SCFD2: variants seen among roughly 807,000 people sequenced by gnomAD.
The protein encoded by SCFD2 is sec1 family domain-containing protein 2.
In SCFD2, 54 loss-of-function variants were observed where a neutral mutation model predicts 58.9. The ratio of observed to expected loss-of-function variants is 0.92; its 90% CI spans 0.74 to 1.15. The LOEUF is 1.15. Among genes scored for constraint, SCFD2 ranks in the 50% most tolerant of loss-of-function variants. SCFD2 has a pLI of 0.00. For missense variants in SCFD2, 805 were observed against 836.6 expected (o/e 0.96, Z 0.47); for synonymous variants, 321 against 335.9 (o/e 0.96, Z 0.49).
chr4:53,252,269 T>C (rs1183529695), intron 4 of SCFD2, among the ~76,000 whole-genome samples: 3 of 147,144 alleles, frequency 2.0e-5, no homozygotes, highest in Admixed American at 6.9e-5. Flanking sequence ...TCCATGCTCA[T>C]GGGTAGGAAG....
At chr4:53,058,385 AT>A (rs1216472707) in intron 5 of SCFD2, among the ~76,000 whole-genome samples, 1 of 152,166 alleles carries the variant, frequency 6.6e-6, no homozygotes, top group Non-Finnish European at 1.5e-5. Flanking sequence ...TCAGACAACT[AT>A]ATAGTTAACT....
chr4:53,275,600 C>A (rs1282491626), intron 3 of SCFD2, among the ~76,000 whole-genome samples: 1 of 152,164 alleles, frequency 6.6e-6, no homozygotes, highest in Non-Finnish European at 1.5e-5. Context: ...GGTTGGATAA[C>A]CACTGTCACA....
chr4:53,022,790 T>C (rs1722380872), intron 5 of SCFD2, among the ~76,000 whole-genome samples: 1 of 152,226 alleles, frequency 6.6e-6, no homozygotes, highest in Non-Finnish European at 1.5e-5. Context: ...TTTTTCTTAA[T>C]GTTAAGTAAC....
rs1343030933 is a variant in SCFD2 at position 53,273,721 on chromosome 4, T to C, written c.1311+105A>G. 6 of 1,020,432 alleles carry C rather than the reference T, an allele frequency of 5.9e-6. No individual in the cohort carries two copies. The African/African-American group carries it at 8.1e-5, about 14-fold the overall frequency. The allele number at this position is 1,020,432 out of a possible 1,614,324, so 63.2% of individuals were successfully genotyped here. A position where few individuals can be genotyped will look rare whatever the true frequency, so the allele number is the denominator to read the frequency against. On this transcript the variant is annotated intron_variant, in intron 4 of 8. Transcript: ENST00000401642. ...TAGAGAATATGAAGCAGGGCACATG[T>C]CAACAATATGATTTATTACTAAGGC...
At chr4:52,969,092 T>C (rs1197408341) in intron 5 of SCFD2, among the ~76,000 whole-genome samples, 1 of 152,184 alleles carries the variant, frequency 6.6e-6, no homozygotes, top group Non-Finnish European at 1.5e-5. Flanking sequence ...AAGAATCCTG[T>C]TAGGTGGGTT....
chr4:53,231,129 A>G (rs1312630925), intron 4 of SCFD2, among the ~76,000 whole-genome samples: 1 of 152,164 alleles, frequency 6.6e-6, no homozygotes. Context: ...GGAACCATTC[A>G]TGTGTTAAGT....
At chr4:52,889,833 A>C (rs969634795) in intron 7 of SCFD2, among the ~76,000 whole-genome samples, 13 of 152,262 alleles carry the variant, frequency 8.5e-5, no homozygotes, top group African/African-American at 3.1e-4. Flanking sequence ...CTAACACTCT[A>C]CCTTATACTT....
At position 53,096,882 on chromosome 4, in the gene SCFD2, A is replaced by C. The variant is rs955335468; in HGVS notation, c.1561+48451T>G. On this transcript the variant is annotated intron_variant, in intron 5 of 8. Transcript: ENST00000401642. Reference sequence around the variant, plus strand: ...GTAAGTCTTTAATCCATCTTGAATTAATTTTTGTATAAGGTGTAAGGAAGG... The same window carrying C: ...GTAAGTCTTTAATCCATCTTGAATTCATTTTTGTATAAGGTGTAAGGAAGG... Among the ~76,000 whole-genome samples, 8 of 152,046 alleles carry C rather than the reference A, an allele frequency of 5.3e-5. No homozygotes were observed. The South Asian group carries it at 1.0e-3, about 20-fold the overall frequency.
At chr4:53,296,369 C>A (rs6554086) in intron 3 of SCFD2, among the ~76,000 whole-genome samples, 1 of 151,862 alleles carries the variant, frequency 6.6e-6, no homozygotes, top group East Asian at 1.9e-4. Context: ...GTCTTGGGAG[C>A]GTGTATGTGT....
chr4:53,021,296 G>C (rs1722343825), intron 5 of SCFD2, among the ~76,000 whole-genome samples: 1 of 152,078 alleles, frequency 6.6e-6, no homozygotes, highest in Non-Finnish European at 1.5e-5. Context: ...TCTTTAAAAG[G>C]ATAACTTGAA....
At chr4:53,322,342 C>T (rs1290784159) in intron 2 of SCFD2, among the ~76,000 whole-genome samples, 1 of 152,142 alleles carries the variant, frequency 6.6e-6, no homozygotes, top group African/African-American at 2.4e-5. Flanking sequence ...TGCTAAAAGA[C>T]ACTCCCACCA....
intron 4 of SCFD2, among the ~76,000 whole-genome samples, chr4:53,165,831 A>G (rs1361181778): frequency 6.6e-6 from 1 of 152,244 alleles, no homozygotes; most frequent in Non-Finnish European, 1.5e-5. Context: ...TGAATGGATG[A>G]CTGAATAAAT....
At chr4:53,081,780 T>C (rs1205149180) in intron 5 of SCFD2, among the ~76,000 whole-genome samples, 2 of 152,164 alleles carry the variant, frequency 1.3e-5, no homozygotes, top group African/African-American at 4.8e-5. Context: ...TCCAGAGCAC[T>C]GAAATCACCC....
chr4:52,889,253 T>G (rs1370009814), intron 7 of SCFD2, among the ~76,000 whole-genome samples: 3 of 152,264 alleles, frequency 2.0e-5, no homozygotes, highest in Non-Finnish European at 4.4e-5. Context: ...ATATTTATTA[T>G]TGAAAATAGC....
intron 7 of SCFD2, among the ~76,000 whole-genome samples, chr4:52,900,944 G>T (rs981713648): frequency 9.8e-5 from 15 of 152,348 alleles, no homozygotes; most frequent in Admixed American, 2.6e-4. Flanking sequence ...CTCTGAGCCA[G>T]GTGTGGGATA....
intron 4 of SCFD2, among the ~76,000 whole-genome samples, chr4:53,248,260 C>T (rs1238571630): frequency 6.6e-6 from 1 of 152,206 alleles, no homozygotes; most frequent in Non-Finnish European, 1.5e-5. Flanking sequence ...CCGCACCTGG[C>T]TTGGAGGGTC....
chr4:53,119,115 C>T (rs145529790), intron 5 of SCFD2, among the ~76,000 whole-genome samples: 6 of 152,156 alleles, frequency 3.9e-5, no homozygotes, highest in African/African-American at 9.6e-5. Flanking sequence ...GTCAGGAGTT[C>T]GAGACCAGCC....
intron 5 of SCFD2, among the ~76,000 whole-genome samples, chr4:53,077,584 T>G (rs1280815286): frequency 6.6e-6 from 1 of 152,024 alleles, no homozygotes; most frequent in African/African-American, 2.4e-5. Context: ...AATACAGGTG[T>G]GTGCCACCGC....
At chr4:52,906,918 C>T (rs1037454130) in intron 7 of SCFD2, among the ~76,000 whole-genome samples, 1 of 152,134 alleles carries the variant, frequency 6.6e-6, no homozygotes, top group African/African-American at 2.4e-5. Context: ...CTCCTTTCAT[C>T]CCCACTTCAA....
Sources: gnomAD v4.1 joint callset for allele counts (sites outside exome capture counted in the v4.1 genomes callset) on GRCh38, gnomAD v4.1.1 for gene constraint, MANE v1.5 for transcripts, NCBI Gene and HGNC (gene_info 2026-07-23, HGNC 2026-07-21) for gene names.